Variants in ADRA1A observed in about 807,000 individuals in gnomAD.
ADRA1A encodes alpha-1A adrenergic receptor.
A neutral mutation model predicts 29.6 loss-of-function variants in ADRA1A; 31 were observed. The observed-to-expected ratio is 1.05, with a 90% CI of 0.79 to 1.41. The LOEUF (loss-of-function observed/expected upper bound fraction) is 1.41. ADRA1A is among the 40% of genes most tolerant of loss of function. ADRA1A has a pLI of 0.00. For synonymous variants in ADRA1A, 311 were observed against 254.3 expected (o/e 1.22, Z -2.12); for missense variants, 619 against 601.1 (o/e 1.03, Z -0.31).
chr8:26,751,947 A>G (rs1312375476), downstream of ADRA1A, among the ~76,000 whole-genome samples: 2 of 152,136 alleles, frequency 1.3e-5, no homozygotes, highest in Non-Finnish European at 2.9e-5. Context: ...GGCTCTTGAG[A>G]GCTGACTGTG....
chr8:26,780,720 C>A (rs1806913953), intron 2 of ADRA1A, among the ~76,000 whole-genome samples: 1 of 152,196 alleles, frequency 6.6e-6, no homozygotes, highest in African/African-American at 2.4e-5. Context: ...AGTGAAGCTT[C>A]ATCTGTATTT....
Position 26,864,366 on chromosome 8 carries a change from C to G in ADRA1A, c.604G>C (p.Val202Leu), listed in dbSNP as rs1813716192. 1 of 1,614,002 alleles carries G rather than the reference C, an allele frequency of 6.2e-7. No individual in the cohort carries two copies. Among genetic ancestry groups the G allele is most frequent in the East Asian group, 2.2e-5 (1 of 44,864 alleles). Residue 202 changes from valine to leucine, a missense_variant, in exon 2 of 3, where the codon GTC (valine) becomes CTC (leucine). By Grantham distance (32) the Val-to-Leu change is conservative (BLOSUM62 1). Coordinates refer to ENST00000380573, the MANE Select transcript of ADRA1A (RefSeq NM_000680.4). This position sits in a 1 kb window ranked among gnomAD's most constrained non-coding sequence, Gnocchi z 8.1. ...SFYLPLAIIL[V>L]MYCRVYVVAK... ...ACCACGTAGACGCGGCAGTACATGA[C>G]CAGGATGATGGCCAGAGGCAGGTAG...
At chr8:26,824,040 C>T (rs1208197037) in intron 2 of ADRA1A, among the ~76,000 whole-genome samples, 1 of 152,122 alleles carries the variant, frequency 6.6e-6, no homozygotes, top group Non-Finnish European at 1.5e-5. Context: ...GCTCAGCCCC[C>T]ACACCTGCTG....
chr8:26,858,987 T>C lies in ADRA1A; in HGVS notation c.883+5100A>G, dbSNP rs181156021. The C allele has an allele frequency of 7.3e-5, 83 of 1,140,576 alleles. No homozygotes were observed. In the African/African-American group the frequency reaches 1.2e-3, roughly 16 times the overall value. 70.7% of individuals were successfully genotyped at this position (1,140,576 alleles called of 1,614,324 possible). A position where few individuals can be genotyped will look rare whatever the true frequency, so the allele number is the denominator to read the frequency against. Reference sequence around the variant, plus strand: ...TTGGGAAAAGGGAACGTGAGACTTCTCACAATATACAGGAAGGACCTTTGC... The same window carrying C: ...TTGGGAAAAGGGAACGTGAGACTTCCCACAATATACAGGAAGGACCTTTGC... On this transcript the variant is annotated intron_variant, in intron 2 of 2. Transcript: ENST00000380573.
At chr8:26,766,223 T>C, downstream of ADRA1A, 1 of 1,044,072 alleles carries the variant, frequency 9.6e-7, no homozygotes, top group Non-Finnish European at 1.5e-6. Context: ...TCATTTATTT[T>C]TAAAAGGGAT....
rs1461749121 is a variant in ADRA1A at position 26,826,112 on chromosome 8, G to C, written c.883+37975C>G. Reference sequence around the variant, plus strand: ...CCTGCCCCTCAAAGCTCAGCTCAAAGTGAGTTTCCTTCTGTGGCCTTCCTC... The same window carrying C: ...CCTGCCCCTCAAAGCTCAGCTCAAACTGAGTTTCCTTCTGTGGCCTTCCTC... On this transcript the variant is annotated intron_variant, in intron 2 of 2. Coordinates refer to ENST00000380573, the MANE Select transcript of ADRA1A (RefSeq NM_000680.4). 2.0e-5 allele frequency among the ~76,000 whole-genome samples: 3 copies of C among 152,338 alleles called. 1 individual carries two copies. The highest frequency in any genetic ancestry group is 1.5e-5 in the Non-Finnish European group (1 of 68,024).
chr8:26,817,602 A>G (rs573896605), intron 2 of ADRA1A, among the ~76,000 whole-genome samples: 2 of 152,272 alleles, frequency 1.3e-5, no homozygotes, highest in Non-Finnish European at 2.9e-5. Context: ...AACATGAAAA[A>G]TGCTGCCTCT....
At chr8:26,768,453 C>T (rs1009021895), downstream of ADRA1A, among the ~76,000 whole-genome samples, 7 of 152,196 alleles carry the variant, frequency 4.6e-5, no homozygotes, top group African/African-American at 1.7e-4. Flanking sequence ...TAGTTACCAT[C>T]TTCATCCTTA....
In ADRA1A at chr8:26,757,517, C is replaced by A. The variant is rs569651411; in HGVS notation, c.1270-738G>T. On this transcript the variant is annotated intron_variant, in intron 2 of 2. Transcript: ENST00000380582. ...CTGTCCCTTTTGCTTCCATTTCCCC[C>A]ACCCCCCACCTCTGCTCCATCAGGT... Among the ~76,000 whole-genome samples, 184 of 150,322 alleles carry A rather than the reference C, an allele frequency of 1.2e-3. 3 individuals carry two copies. The highest frequency in any genetic ancestry group is 4.0e-3 in the African/African-American group (161 of 40,458).
rs1420064493 is a variant in ADRA1A, at chr8:26,864,338, G to A, written c.632C>T (p.Ala211Val). Reference protein sequence around the residue: ...LVMYCRVYVVAKRESRGLKSG... With the variant: ...LVMYCRVYVVVKRESRGLKSG... ...CTTGAGGCCCCGGCTCTCCCTCTTG[G>A]CCACCACGTAGACGCGGCAGTACAT... Residue 211 changes from alanine (A) to valine (V), a missense_variant, in exon 2 of 3, where the codon GCC (alanine) becomes GTC (valine). By Grantham distance (64) the Ala-to-Val change is moderately conservative (BLOSUM62 0). Transcript: ENST00000380573. This position sits in a 1 kb window ranked among gnomAD's most constrained non-coding sequence, Gnocchi z 8.1. 2 of 1,613,910 alleles carry A rather than the reference G, an allele frequency of 1.2e-6. No homozygotes were observed. Among genetic ancestry groups the A allele is most frequent in the East Asian group, 4.5e-5 (2 of 44,886 alleles).
rs569147612 is a variant in ADRA1A at position 26,864,202 on chromosome 8, G to T, written c.768C>A (p.His256Gln). Residue 256 changes from histidine (H) to glutamine (Q), a missense_variant, in exon 2 of 3, where the codon CAC becomes CAA. His to Gln is a conservative substitution (Grantham distance 24). Coordinates refer to ENST00000380573, the MANE Select transcript of ADRA1A (RefSeq NM_000680.4). The surrounding 1 kb of genome is among the most constrained non-coding windows in gnomAD (Gnocchi z 8.1). Reference protein sequence around the residue: ...SGMASAKTKTHFSVRLLKFSR... With the variant: ...SGMASAKTKTQFSVRLLKFSR... ...AGAACTTGAGGAGCCTCACTGAGAA[G>T]TGCGTCTTGGTCTTGGCGCTGGCCA... 5 of 1,614,210 alleles carry T rather than the reference G, an allele frequency of 3.1e-6. No individual in the cohort carries two copies. Among genetic ancestry groups the T allele is most frequent in the South Asian group, 1.1e-5 (1 of 91,086 alleles).
intron 2 of ADRA1A, among the ~76,000 whole-genome samples, chr8:26,829,513 A>G (rs1373097092): frequency 6.6e-6 from 1 of 152,210 alleles, no homozygotes; most frequent in Non-Finnish European, 1.5e-5. Flanking sequence ...ATTAGATTAT[A>G]AATTTTACCC....
chr8:26,798,019 C>A (rs1236790819), intron 2 of ADRA1A, among the ~76,000 whole-genome samples: 1 of 150,670 alleles, frequency 6.6e-6, no homozygotes, highest in Non-Finnish European at 1.5e-5. Context: ...TCACTTGTCA[C>A]CCAGGCTGGA....
At position 26,831,793 on chromosome 8, in the gene ADRA1A, A is replaced by C. The variant is rs915233756; in HGVS notation, c.883+32294T>G. Among the ~76,000 whole-genome samples the C allele has an allele frequency of 1.3e-5, 2 of 152,292 alleles. No individual in the cohort carries two copies. The highest frequency in any genetic ancestry group is 1.3e-4 in the Admixed American group (2 of 15,300). On this transcript the variant is annotated intron_variant, in intron 2 of 2. Coordinates refer to ENST00000380573, the MANE Select transcript of ADRA1A (RefSeq NM_000680.4). The surrounding 1 kb of genome is among the most constrained non-coding windows in gnomAD (Gnocchi z 5.2). ...CATGCAGCTTCCTTTCCATCCTTGCATCTTCTTTGCTGTCTAGTGCTCCTT... is the reference window on the plus strand; with the variant it reads ...CATGCAGCTTCCTTTCCATCCTTGCCTCTTCTTTGCTGTCTAGTGCTCCTT...
chr8:26,844,792 G>T (rs1239748904), intron 2 of ADRA1A, among the ~76,000 whole-genome samples: 1 of 152,154 alleles, frequency 6.6e-6, no homozygotes, highest in East Asian at 1.9e-4. Flanking sequence ...ACTCTTAGGA[G>T]AAAACATAAG....
At chr8:26,771,548 A>G (rs1160266955) in intron 2 of ADRA1A, among the ~76,000 whole-genome samples, 3 of 152,262 alleles carry the variant, frequency 2.0e-5, no homozygotes, top group African/African-American at 7.2e-5. Context: ...TCCTGCGCAG[A>G]GACTGCCACA....
At chr8:26,830,451 A>C (rs536068971) in intron 2 of ADRA1A, among the ~76,000 whole-genome samples, 131 of 152,330 alleles carry the variant, frequency 8.6e-4, no homozygotes, top group African/African-American at 3.0e-3. Context: ...TGTTCGTTCT[A>C]GGATAACACA....
chr8:26,813,235 A>G (rs1809536899), intron 2 of ADRA1A, among the ~76,000 whole-genome samples: 1 of 152,206 alleles, frequency 6.6e-6, no homozygotes, highest in African/African-American at 2.4e-5. Flanking sequence ...TTACAAACAC[A>G]GCAGACCAAC....
At chr8:26,756,604 A>G in exon 3 of ADRA1A, 1 of 1,558,474 alleles carries the variant, frequency 6.4e-7, no homozygotes, top group Non-Finnish European at 8.7e-7. Context: ...CCTTAGTCAG[A>G]TGGATGCTTG....
Sources: gnomAD v4.1 joint callset for allele counts (sites outside exome capture counted in the v4.1 genomes callset) on GRCh38, gnomAD v4.1.1 for gene constraint, Gnocchi (gnomAD v3.1) non-coding constraint, MANE v1.5 for transcripts, NCBI Gene and HGNC (gene_info 2026-07-23, HGNC 2026-07-21) for gene names.